Variants in RBM28 observed in about 807,000 individuals in gnomAD.
RBM28 encodes the protein RNA-binding protein 28.
In RBM28, 78 loss-of-function variants were observed where a neutral mutation model predicts 98.3. The ratio of observed to expected loss-of-function variants is 0.79; its 90% CI spans 0.66 to 0.96. The LOEUF (loss-of-function observed/expected upper bound fraction) is 0.96, where lower values mean the gene tolerates loss of function less well. RBM28 is among the 40% of genes least tolerant of loss of function. RBM28 has a pLI of 0.00. For synonymous variants in RBM28, 306 were observed against 330.9 expected, an observed-to-expected ratio of 0.92 and a Z score of 0.82; for missense variants, 838 against 913.0, an observed-to-expected ratio of 0.92 and a Z score of 1.06.
intron 11 of RBM28, 88 bp from the exon 12 acceptor site, chr7:128,324,782 G>A: frequency 2.5e-6 from 4 of 1,574,056 alleles, no homozygotes; most frequent in Non-Finnish European, 8.7e-7. Context: ...GGGAGGCTGA[G>A]GCAGGTGGAT....
Position 128,337,194 on chromosome 7 carries a change from C to A in RBM28, c.550G>T (p.Val184Leu), listed in dbSNP as rs1197712584. ...TTTGCCACGGCCCAATCCACAGCCA[C>A]TGTCCGGCCTGTCAAGCAGAAAAGT... ...MNMKEIKGRT[V>L]AVDWAVAKDK... The change falls in exon 6 of 19, where the codon GTG becomes TTG. Residue 184 changes from valine to leucine, a missense_variant. By Grantham distance (32) the Val-to-Leu change is conservative. Coordinates refer to ENST00000223073, the MANE Select transcript of RBM28 (RefSeq NM_018077.3). 1.6e-5 allele frequency: 26 copies of A among 1,614,012 alleles called. No homozygotes were observed. The highest frequency in any genetic ancestry group is 2.0e-5 in the Non-Finnish European group (24 of 1,180,006).
At chr7:128,339,538 A>G in intron 2 of RBM28, 95 bp downstream of exon 2, 8 of 1,453,390 alleles carry the variant, frequency 5.5e-6, no homozygotes, top group Non-Finnish European at 7.7e-6. Flanking sequence ...AAAAGCTTTA[A>G]GTTCTAGAAG....
intron 3 of RBM28, 119 bp downstream of exon 3, chr7:128,339,108 T>C (rs1796665490): frequency 1.0e-6 from 1 of 969,464 alleles, no homozygotes; most frequent in Non-Finnish European, 1.7e-6. Context: ...AGGGGTAAGG[T>C]TGATTCCCAG....
intron 1 of RBM28, among the ~76,000 whole-genome samples, chr7:128,342,672 C>T (rs1344075802): frequency 6.6e-6 from 1 of 151,458 alleles, no homozygotes; most frequent in Non-Finnish European, 1.5e-5. Flanking sequence ...CAGAGCAAGA[C>T]GCAGTCTTTA....
rs1287671358 is a variant in RBM28, at chr7:128,309,125, C to T, written c.*1672G>A. ...CTTGCCTACTGAATACTGTTTCTTC[C>T]TTTCCTACCTTATTTTTTTCATTCA... is the stretch of plus-strand genomic sequence containing the variant. On this transcript the variant is annotated 3_prime_UTR_variant, in exon 19 of 19. Coordinates refer to ENST00000223073, the MANE Select transcript of RBM28 (RefSeq NM_018077.3). 1 of 152,120 alleles carries T rather than the reference C, an allele frequency of 6.6e-6. No homozygotes were observed. Among genetic ancestry groups the T allele is most frequent in the Non-Finnish European group, 1.5e-5 (1 of 68,062 alleles). 9.4% of individuals were successfully genotyped at this position (152,120 alleles called of 1,614,324 possible). A position where few individuals can be genotyped will look rare whatever the true frequency, so the allele number is the denominator to read the frequency against.
In RBM28 at chr7:128,343,711, C is replaced by A. The variant is rs781114412; in HGVS notation, c.83G>T (p.Gly28Val). ...CACCACGAAGCACTGCTTCACCGGC[C>A]CCACCTGACTGAACAGTTCCTCCAG... ...EQLEELFSQVGPVKQCFVVTE... is the reference protein window; with the variant it reads ...EQLEELFSQVVPVKQCFVVTE... The change falls in exon 1 of 19, where the codon GGG becomes GTG. Residue 28 changes from glycine (G) to valine (V), a missense_variant. Coordinates refer to ENST00000223073, the MANE Select transcript of RBM28 (RefSeq NM_018077.3). 1.2e-6 allele frequency: 2 copies of A among 1,611,986 alleles called. No homozygotes were observed. Among genetic ancestry groups the A allele is most frequent in the South Asian group, 1.1e-5 (1 of 90,770 alleles).
intron 6 of RBM28, 61 bp from the exon 7 acceptor site, chr7:128,336,103 C>A: frequency 7.0e-7 from 1 of 1,432,632 alleles, no homozygotes; most frequent in East Asian, 2.4e-5. Flanking sequence ...GTTATTTTAA[C>A]AAAAGTAACC....
intron 2 of RBM28, 41 bp from the exon 3 acceptor site, chr7:128,339,362 C>T: frequency 6.8e-7 from 1 of 1,468,844 alleles, no homozygotes; most frequent in Non-Finnish European, 9.5e-7. Flanking sequence ...TCGAAAATCA[C>T]CCACTTCTAC....
intron 17 of RBM28, among the ~76,000 whole-genome samples, chr7:128,313,714 G>A (rs1796039568): frequency 6.6e-6 from 1 of 152,180 alleles, no homozygotes; most frequent in Admixed American, 6.5e-5. Context: ...GAGGTGACTG[G>A]ATCATGGGGA....
Position 128,343,774 on chromosome 7 carries a change from A to G in RBM28, c.20T>C (p.Phe7Ser), listed in dbSNP as rs1584669750. Residue 7 changes from phenylalanine (F) to serine (S), a missense_variant, in exon 1 of 19, where the codon TTT (phenylalanine) becomes TCT (serine). Transcript: ENST00000223073. ...GGCCGAGGGCGGGAGGCGGCCCACA[A>G]ATAAGGTCAGGCCGGCCATGAGACC... Reference protein sequence around the residue: MAGLTLFVGRLPPSARS... With the variant: MAGLTLSVGRLPPSARS... 10 of 1,609,060 alleles carry G rather than the reference A, an allele frequency of 6.2e-6. No individual in the cohort carries two copies. The highest frequency in any genetic ancestry group is 1.1e-5 in the South Asian group (1 of 90,422).
chr7:128,318,322 A>G (rs1409247728), intron 14 of RBM28, among the ~76,000 whole-genome samples: 1 of 151,962 alleles, frequency 6.6e-6, no homozygotes. Flanking sequence ...TTGTCTCTAC[A>G]AAAAATACAA....
intron 16 of RBM28, among the ~76,000 whole-genome samples, chr7:128,317,327 A>G (rs1445772658): frequency 6.6e-6 from 1 of 152,234 alleles, no homozygotes; most frequent in African/African-American, 2.4e-5. Flanking sequence ...GAAAATATGG[A>G]AGAGATAACT....
At chr7:128,321,152 TGA>T in intron 14 of RBM28, 112 bp downstream of exon 14, 1 of 1,427,678 alleles carries the variant, frequency 7.0e-7, no homozygotes, top group Non-Finnish European at 9.7e-7. Flanking sequence ...GGCAACAGAG[TGA>T]GACTTCGTCT....
chr7:128,317,186 A>G (rs1273547058), intron 16 of RBM28, among the ~76,000 whole-genome samples: 2 of 152,238 alleles, frequency 1.3e-5, no homozygotes, highest in Non-Finnish European at 2.9e-5. Context: ...CATGCAGCAA[A>G]AAGGGCAGAG....
rs1430829479 is a variant in RBM28 at position 128,309,814 on chromosome 7, G to C, written c.*983C>G. On this transcript the variant is annotated 3_prime_UTR_variant, in exon 19 of 19. Transcript: ENST00000223073. ...AAGGGAAAAACTCTCCAGGCAAAGG[G>C]AACGGATACAAAGGCTCTGAGGTGG... 1 of 152,332 alleles carries C rather than the reference G, an allele frequency of 6.6e-6. No individual in the cohort carries two copies. Among genetic ancestry groups the C allele is most frequent in the East Asian group, 1.9e-4 (1 of 5,164 alleles). 9.4% of individuals were successfully genotyped at this position (152,332 alleles called of 1,614,324 possible). A position where few individuals can be genotyped will look rare whatever the true frequency, so the allele number is the denominator to read the frequency against.
At position 128,299,619 on chromosome 7, in the gene RBM28, T is replaced by C. The variant is rs994818587; in HGVS notation, c.*11178A>G. On this transcript the variant is annotated 3_prime_UTR_variant, in exon 19 of 19. Coordinates refer to ENST00000223073, the MANE Select transcript of RBM28 (RefSeq NM_018077.3). Reference sequence around the variant, plus strand: ...TGGAAACCGTTGAATGGGATTTCCATCACATAAAGAACTGGTTATGTAAAT... The same window carrying C: ...TGGAAACCGTTGAATGGGATTTCCACCACATAAAGAACTGGTTATGTAAAT... 6.6e-6 allele frequency: 1 copy of C among 152,204 alleles called. No homozygotes were observed. Among genetic ancestry groups the C allele is most frequent in the Non-Finnish European group, 1.5e-5 (1 of 68,024 alleles). 9.4% of individuals were successfully genotyped at this position (152,204 alleles called of 1,614,324 possible). A position where few individuals can be genotyped will look rare whatever the true frequency, so the allele number is the denominator to read the frequency against.
intron 11 of RBM28, 36 bp downstream of exon 11, chr7:128,325,782 T>C (rs1796336176): frequency 1.3e-6 from 2 of 1,529,390 alleles, no homozygotes; most frequent in South Asian, 1.1e-5. Flanking sequence ...CCAAACTGCC[T>C]CCTGTGTTAT....
At position 128,310,282 on chromosome 7, in the gene RBM28, T is replaced by C. The variant is rs1290643626; in HGVS notation, c.*515A>G. On this transcript the variant is annotated 3_prime_UTR_variant, in exon 19 of 19. Coordinates refer to ENST00000223073, the MANE Select transcript of RBM28 (RefSeq NM_018077.3). ...CCTGCAGCGATTAGGTTAGAAAGCATTTCTCTCTGCTCTCGCTTAGACAGT... is the reference window on the plus strand; with the variant it reads ...CCTGCAGCGATTAGGTTAGAAAGCACTTCTCTCTGCTCTCGCTTAGACAGT... 5.8e-6 allele frequency: 1 copy of C among 172,806 alleles called. No homozygotes were observed. Among genetic ancestry groups the C allele is most frequent in the Admixed American group, 5.6e-5 (1 of 17,814 alleles). The allele number at this position is 172,806 out of a possible 1,614,324, so 10.7% of individuals were successfully genotyped here.
At chr7:128,341,018 C>A in intron 1 of RBM28, 2 of 554,834 alleles carry the variant, frequency 3.6e-6, no homozygotes, top group South Asian at 3.9e-5. Flanking sequence ...TCAACTGTAA[C>A]CCACCTTTGC....
Sources: allele counts gnomAD v4.1 joint callset (sites outside exome capture counted in the v4.1 genomes callset), GRCh38; gene constraint gnomAD v4.1.1; transcripts MANE v1.5; gene names NCBI Gene and HGNC (gene_info 2026-07-23, HGNC 2026-07-21).